The following TGFBR3 variants were observed in gnomAD, a reference collection of about 807,000 sequenced individuals.
TGFBR3 encodes the protein transforming growth factor beta receptor 3, also known as transforming growth factor beta receptor type 3.
Under a neutral mutation model 87.9 loss-of-function variants are expected in TGFBR3, and 46 were observed. That is an observed-to-expected ratio of 0.52 (90% CI 0.41 to 0.67). The LOEUF (loss-of-function observed/expected upper bound fraction) is 0.67, where lower values mean the gene tolerates loss of function less well. Ranked by LOEUF, TGFBR3 falls within the 30% of genes least tolerant of loss-of-function variation. The probability of loss-of-function intolerance (pLI) is 0.00; values close to 1 mark genes in which losing one functional copy is unlikely to be tolerated. For synonymous variants in TGFBR3, 381 were observed against 391.6 expected (o/e 0.97, Z 0.32); for missense variants, 866 against 1,041.9 (o/e 0.83, Z 2.32).
At position 91,758,642 on chromosome 1, in the gene TGFBR3, G is replaced by GTC; in HGVS notation, c.353_354dup (p.Leu119AspfsTer27). ...AACAGTCTGGAGACCCCAGTGGCAA[G>GTC]TCTCTCTGTCTTCAGATGCCACACC... On this transcript the variant is annotated frameshift_variant, in exon 4 of 17. Transcript: ENST00000212355. LOFTEE classifies it high-confidence loss of function. The GTC allele has an allele frequency of 6.2e-7, 1 of 1,614,036 alleles. No individual in the cohort carries two copies. The highest frequency in any genetic ancestry group is 8.5e-7 in the Non-Finnish European group (1 of 1,179,944).
At chr1:91,739,132 C>T (rs1332724068) in intron 4 of TGFBR3, among the ~76,000 whole-genome samples, 1 of 152,194 alleles carries the variant, frequency 6.6e-6, no homozygotes, top group Non-Finnish European at 1.5e-5. Context: ...GTAGGCCCAA[C>T]AGGACCTTGT....
chr1:91,699,220 GT>G (rs1229102026), intron 14 of TGFBR3, among the ~76,000 whole-genome samples: 1 of 151,826 alleles, frequency 6.6e-6, no homozygotes, highest in Admixed American at 6.6e-5. Flanking sequence ...GCTGCTCTTT[GT>G]CATCATGCTT....
At position 91,712,583 on chromosome 1, in the gene TGFBR3, A is replaced by T. The variant is rs1171271334; in HGVS notation, c.1867-41T>A. 4 of 1,602,984 alleles carry T rather than the reference A, an allele frequency of 2.5e-6. No homozygotes were observed. The South Asian group carries it at 4.4e-5, about 18-fold the overall frequency. ...AAGATGAATTAGGAAATGAGTTAGC[A>T]TCTCACTTTCACTTTAGGCACAAGG... On this transcript the variant is annotated intron_variant, in intron 12 of 16. Transcript: ENST00000212355.
chr1:91,861,787 C>T (rs1040143099), intron 1 of TGFBR3, 143 bp from the exon 2 acceptor site: 1 of 501,538 alleles, frequency 2.0e-6, no homozygotes, highest in Non-Finnish European at 3.6e-6. Flanking sequence ...GCAAACTAGA[C>T]TGAGGGCAGT....
At chr1:91,706,475 C>T (rs1188655950) in intron 14 of TGFBR3, among the ~76,000 whole-genome samples, 3 of 152,082 alleles carry the variant, frequency 2.0e-5, no homozygotes, top group African/African-American at 7.3e-5. Context: ...TGACAGTTGA[C>T]AAATGTCATA....
intron 14 of TGFBR3, among the ~76,000 whole-genome samples, chr1:91,700,535 T>C (rs187755810): frequency 2.0e-5 from 3 of 152,276 alleles, no homozygotes; most frequent in South Asian, 2.1e-4. Flanking sequence ...GCCACCACAA[T>C]TGAATGGTGC....
chr1:91,843,398 C>T (rs1157630343), intron 2 of TGFBR3, among the ~76,000 whole-genome samples: 2 of 152,162 alleles, frequency 1.3e-5, no homozygotes, highest in Non-Finnish European at 2.9e-5. Context: ...AGGCCCTTTC[C>T]AGAACCTAAC....
chr1:91,887,523 C>G (rs930836710), upstream of TGFBR3, among the ~76,000 whole-genome samples: 7 of 152,088 alleles, frequency 4.6e-5, no homozygotes, highest in African/African-American at 1.7e-4. Context: ...GCCTTGGCCT[C>G]CCAAAGTGCT....
intron 2 of TGFBR3, among the ~76,000 whole-genome samples, chr1:91,813,032 T>C (rs1252226017): frequency 6.6e-6 from 1 of 152,200 alleles, no homozygotes; most frequent in Non-Finnish European, 1.5e-5. Context: ...ATATACTCAA[T>C]TTTAAGTCAA....
chr1:91,713,836 T>A (rs1397042647), intron 12 of TGFBR3, among the ~76,000 whole-genome samples: 1 of 152,104 alleles, frequency 6.6e-6, no homozygotes, highest in Non-Finnish European at 1.5e-5. Context: ...GTGCTATTAC[T>A]AAAAACTGCC....
intron 5 of TGFBR3, among the ~76,000 whole-genome samples, chr1:91,734,439 A>G (rs938704329): frequency 1.3e-5 from 2 of 151,916 alleles, no homozygotes; most frequent in Non-Finnish European, 2.9e-5. Context: ...ATCAGTCATC[A>G]CCTCCTTCCC....
chr1:91,758,418 C>T (rs915557519), intron 4 of TGFBR3, among the ~76,000 whole-genome samples, 195 bp downstream of exon 4: 8 of 152,098 alleles, frequency 5.3e-5, no homozygotes, highest in African/African-American at 1.4e-4. Flanking sequence ...AGAAGATGGG[C>T]AGGTGTGTCT....
intron 10 of TGFBR3, among the ~76,000 whole-genome samples, chr1:91,718,740 C>A (rs1259614112): frequency 3.3e-5 from 5 of 152,206 alleles, no homozygotes. Flanking sequence ...TCTGTGGAAT[C>A]TTTCTCCAAG....
chr1:91,693,830 G>T lies in TGFBR3; in HGVS notation c.2437+1842C>A, dbSNP rs558281512. Among the ~76,000 whole-genome samples, 21 of 152,328 alleles carry T rather than the reference G, an allele frequency of 1.4e-4. No homozygotes were observed. In the South Asian group the frequency reaches 4.1e-3, roughly 30 times the overall value. ...GGCAGGAGGTTGGAAAAGTTGCAAAGAACTGTTAGCTTGAGATCTGAACAT... is the reference window on the plus strand; with the variant it reads ...GGCAGGAGGTTGGAAAAGTTGCAAATAACTGTTAGCTTGAGATCTGAACAT... On this transcript the variant is annotated intron_variant, in intron 16 of 16. Coordinates refer to ENST00000212355, the MANE Select transcript of TGFBR3 (RefSeq NM_003243.5).
intron 3 of TGFBR3, among the ~76,000 whole-genome samples, chr1:91,783,864 G>A (rs1674863089): frequency 6.6e-6 from 1 of 152,182 alleles, no homozygotes; most frequent in Admixed American, 6.5e-5. Flanking sequence ...CCCTCTTTCA[G>A]TTAGAGGAAT....
Position 91,846,529 on chromosome 1 carries a change from T to C in TGFBR3, c.61+14942A>G, listed in dbSNP as rs573691088. Among the ~76,000 whole-genome samples the C allele has an allele frequency of 2.0e-5, 3 of 152,242 alleles. No homozygotes were observed. The South Asian group carries it at 6.2e-4, about 32-fold the overall frequency. ...GAGTCCTCTATAATATGCCAGACCC[T>C]ACTCTCAAATTATATAACTATCAGG... is the stretch of plus-strand genomic sequence containing the variant. On this transcript the variant is annotated intron_variant, in intron 2 of 16. Coordinates refer to ENST00000212355, the MANE Select transcript of TGFBR3 (RefSeq NM_003243.5).
At chr1:91,887,202 C>T (rs1187397258), upstream of TGFBR3, among the ~76,000 whole-genome samples, 1 of 123,600 alleles carries the variant, frequency 8.1e-6, no homozygotes, top group African/African-American at 3.1e-5. Flanking sequence ...GCCTAGAAGG[C>T]TTCTTCCAGT....
intron 2 of TGFBR3, among the ~76,000 whole-genome samples, chr1:91,844,441 A>T (rs1464650604): frequency 6.6e-6 from 1 of 152,260 alleles, no homozygotes; most frequent in African/African-American, 2.4e-5. Flanking sequence ...ACTAGTGAAA[A>T]CTACAAAAGC....
intron 2 of TGFBR3, among the ~76,000 whole-genome samples, chr1:91,893,292 AT>A (rs34162665): frequency 3.7e-4 from 55 of 149,300 alleles, no homozygotes; most frequent in Admixed American, 6.0e-4. Flanking sequence ...ACTTGTAACT[AT>A]TTTTTTTTTT....
Sources: gnomAD v4.1 joint callset for allele counts (sites outside exome capture counted in the v4.1 genomes callset) on GRCh38, gnomAD v4.1.1 for gene constraint, MANE v1.5 for transcripts, NCBI Gene and HGNC (gene_info 2026-07-23, HGNC 2026-07-21) for gene names.